The following NREP variants were observed in gnomAD, a reference collection of about 807,000 sequenced individuals.
NREP encodes the protein neuronal regeneration related protein.
Under a neutral mutation model 8.6 loss-of-function variants are expected in NREP, and 5 were observed. That is an observed-to-expected ratio of 0.58 (90% CI 0.30 to 1.22). The LOEUF (loss-of-function observed/expected upper bound fraction) is 1.22, where lower values mean the gene tolerates loss of function less well. Ranked by LOEUF, NREP falls within the 50% of genes most tolerant of loss-of-function variation. NREP has a pLI of 0.07. For synonymous variants in NREP, 27 were observed against 28.0 expected (o/e 0.96, Z 0.11); for missense variants, 86 against 82.5 (o/e 1.04, Z -0.17).
chr5:111,814,369 G>A (rs186953340), intron 2 of NREP, among the ~76,000 whole-genome samples: 2 of 152,172 alleles, frequency 1.3e-5, no homozygotes, highest in Admixed American at 6.5e-5. Flanking sequence ...TTTGTAGTAG[G>A]GTATGTTGTG....
At chr5:111,926,209 C>T (rs1425450042) in intron 2 of NREP, among the ~76,000 whole-genome samples, 1 of 152,098 alleles carries the variant, frequency 6.6e-6, no homozygotes, top group Non-Finnish European at 1.5e-5. Context: ...AAAAGCGAAA[C>T]TGGGGAAGTG....
At chr5:111,976,299 G>A (rs1756962155) in intron 1 of NREP, among the ~76,000 whole-genome samples, 1 of 152,192 alleles carries the variant, frequency 6.6e-6, no homozygotes. Context: ...GACATTTTAA[G>A]AGGTATAGGT....
intron 2 of NREP, among the ~76,000 whole-genome samples, chr5:111,895,945 A>C (rs1754499998): frequency 6.6e-6 from 1 of 152,190 alleles, no homozygotes; most frequent in Admixed American, 6.6e-5. Flanking sequence ...ACGATTGATA[A>C]GACTGTTCCA....
intron 2 of NREP, among the ~76,000 whole-genome samples, chr5:111,810,466 C>A (rs1158299400): frequency 1.3e-5 from 2 of 152,178 alleles, no homozygotes; most frequent in Non-Finnish European, 2.9e-5. Flanking sequence ...ATTGGAACCG[C>A]CCTTATTTCC....
chr5:111,842,955 G>A (rs972351097), intron 2 of NREP, among the ~76,000 whole-genome samples: 14 of 152,122 alleles, frequency 9.2e-5, no homozygotes, highest in African/African-American at 2.2e-4. Context: ...TGTGCGACAA[G>A]TTGCTTTTCT....
chr5:111,797,098 TA>T (rs1751890064), intron 2 of NREP, among the ~76,000 whole-genome samples: 1 of 152,050 alleles, frequency 6.6e-6, no homozygotes, highest in Non-Finnish European at 1.5e-5. Context: ...GATAGATAGA[TA>T]GATAGATAGA....
intron 2 of NREP, among the ~76,000 whole-genome samples, chr5:111,839,812 T>C (rs1356631564): frequency 6.6e-6 from 1 of 152,114 alleles, no homozygotes; most frequent in African/African-American, 2.4e-5. Flanking sequence ...TTAATCTGCA[T>C]AGTATTTTTT....
chr5:111,852,435 T>C, intron 2 of NREP, among the ~76,000 whole-genome samples: 1 of 152,170 alleles, frequency 6.6e-6, no homozygotes, highest in East Asian at 1.9e-4. Flanking sequence ...GCCTCAAAGC[T>C]GAACATTTGC....
At chr5:111,835,322 C>T (rs758113422) in intron 2 of NREP, among the ~76,000 whole-genome samples, 7 of 152,026 alleles carry the variant, frequency 4.6e-5, no homozygotes, top group Non-Finnish European at 7.4e-5. Flanking sequence ...GTTTCTAGGA[C>T]CTACCACAGC....
intron 2 of NREP, among the ~76,000 whole-genome samples, chr5:111,908,656 T>C (rs1181681191): frequency 6.6e-6 from 1 of 152,100 alleles, no homozygotes; most frequent in Non-Finnish European, 1.5e-5. Flanking sequence ...CATACCACTT[T>C]TTTTTAATCC....
chr5:111,774,081 C>A (rs1020827814), intron 2 of NREP, among the ~76,000 whole-genome samples: 1 of 152,052 alleles, frequency 6.6e-6, no homozygotes, highest in Non-Finnish European at 1.5e-5. Flanking sequence ...ACTGAAGCCT[C>A]AGGACAAAGA....
At chr5:111,967,591 A>G (rs1467617362) in intron 2 of NREP, among the ~76,000 whole-genome samples, 1 of 152,138 alleles carries the variant, frequency 6.6e-6, no homozygotes, top group Non-Finnish European at 1.5e-5. Flanking sequence ...AAGGCATTAG[A>G]AGATCTTCTT....
In NREP at chr5:111,748,922, C is replaced by G. The variant is rs541020370; in HGVS notation, c.3+6848G>C. 2.6e-5 allele frequency among the ~76,000 whole-genome samples: 4 copies of G among 152,214 alleles called. No homozygotes were observed. In the South Asian group the frequency reaches 8.3e-4, roughly 32 times the overall value. ...GAAAGTTAAACATGTGATAAGTATACAGAGGAACATAAGAAGATTCCTGCT... is the reference window on the plus strand; with the variant it reads ...GAAAGTTAAACATGTGATAAGTATAGAGAGGAACATAAGAAGATTCCTGCT... On this transcript the variant is annotated intron_variant, in intron 2 of 3. Transcript: ENST00000257435.
At chr5:111,910,359 T>C (rs1754878592) in intron 2 of NREP, among the ~76,000 whole-genome samples, 1 of 151,944 alleles carries the variant, frequency 6.6e-6, no homozygotes. Context: ...TTTTTTTCCA[T>C]AATAAGAGTT....
At chr5:111,817,820 A>AAAG (rs1191975352) in intron 2 of NREP, among the ~76,000 whole-genome samples, 94 of 151,560 alleles carry the variant, frequency 6.2e-4, no homozygotes, top group African/African-American at 2.2e-3. Context: ...AAAAAAAAAA[A>AAAG]AAAAAGGTTA....
upstream of NREP, chr5:111,757,410 C>T (rs1750794173): frequency 1.0e-6 from 1 of 981,182 alleles, no homozygotes; most frequent in African/African-American, 1.7e-5. Flanking sequence ...GTGTGTGTCT[C>T]TCTCTTTCTC....
intron 2 of NREP, among the ~76,000 whole-genome samples, chr5:111,803,987 C>T (rs1186060907): frequency 6.6e-6 from 1 of 152,142 alleles, no homozygotes; most frequent in African/African-American, 2.4e-5. Flanking sequence ...AACCCCAATA[C>T]AACTAGTAGT....
chr5:111,782,550 G>A (rs1340716243), intron 2 of NREP, among the ~76,000 whole-genome samples: 1 of 152,062 alleles, frequency 6.6e-6, no homozygotes, highest in Non-Finnish European at 1.5e-5. Flanking sequence ...TATAGGAAAC[G>A]TTTGACTCTT....
chr5:111,745,830 G>T (rs1334242702), intron 2 of NREP, among the ~76,000 whole-genome samples: 1 of 152,098 alleles, frequency 6.6e-6, no homozygotes, highest in South Asian at 2.1e-4. Context: ...ATAAATTCAG[G>T]AAGAAAAATA....
Sources: allele counts gnomAD v4.1 joint callset (sites outside exome capture counted in the v4.1 genomes callset), GRCh38; gene constraint gnomAD v4.1.1; transcripts MANE v1.5; gene names NCBI Gene and HGNC (gene_info 2026-07-23, HGNC 2026-07-21).